The following ADCY10 variants were observed in gnomAD, a reference collection of about 807,000 sequenced individuals.
The protein encoded by ADCY10 is adenylate cyclase type 10.
A neutral mutation model predicts 183.3 loss-of-function variants in ADCY10; 156 were observed. The observed-to-expected ratio is 0.85, with a 90% confidence interval of 0.75 to 0.97. The LOEUF is 0.97. ADCY10 is among the 50% of genes least tolerant of loss of function. The pLI, the probability that ADCY10 is intolerant of heterozygous loss-of-function variation, is 0.00. For synonymous variants in ADCY10, 645 were observed against 670.0 expected (o/e 0.96, Z 0.58); for missense variants, 1,745 against 1,934.3 (o/e 0.90, Z 1.84).
chr1:167,838,834 T>A (rs1241404635), intron 21 of ADCY10, among the ~76,000 whole-genome samples: 1 of 152,202 alleles, frequency 6.6e-6, no homozygotes, highest in Non-Finnish European at 1.5e-5. Flanking sequence ...TCCAGAAACT[T>A]ATACCCACTT....
chr1:167,870,462 TAG>T, intron 13 of ADCY10, 52 bp from the exon 14 acceptor site: 1 of 1,479,504 alleles, frequency 6.8e-7, no homozygotes, highest in South Asian at 1.2e-5. Flanking sequence ...TAAAATAGTC[TAG>T]AGATATAAAA....
chr1:167,911,538 T>G (rs1009760580), intron 1 of ADCY10, among the ~76,000 whole-genome samples: 4 of 152,336 alleles, frequency 2.6e-5, no homozygotes, highest in African/African-American at 9.6e-5. Context: ...TTGCCTCTTT[T>G]AAAAGTTCTA....
rs878959280 is a variant in ADCY10, at chr1:167,848,630, C to CT, written c.2309-142dup. ...TTGGCTCACCAAATATTCTGGAAAC[C>CT]TTTTTTTTGTTTTGTTTTGTTTTGT... On this transcript the variant is annotated intron_variant, in intron 18 of 32. Transcript: ENST00000367851. 617 of 973,988 alleles carry CT rather than the reference C, an allele frequency of 6.3e-4. 3 individuals carry two copies. The Middle Eastern group carries it at 7.5e-3, about 12-fold the overall frequency. The allele number at this position is 973,988 out of a possible 1,614,324, so 60.3% of individuals were successfully genotyped here.
intron 8 of ADCY10, among the ~76,000 whole-genome samples, chr1:167,889,302 A>C (rs1558237926): frequency 6.6e-6 from 1 of 152,120 alleles, no homozygotes; most frequent in Non-Finnish European, 1.5e-5. Context: ...GAATTTTATC[A>C]ACTGCTTTTT....
chr1:167,862,311 G>T (rs1666346064), intron 14 of ADCY10, among the ~76,000 whole-genome samples: 1 of 152,158 alleles, frequency 6.6e-6, no homozygotes, highest in African/African-American at 2.4e-5. Context: ...AGTAGGGTAG[G>T]CCTCTAATCC....
intron 16 of ADCY10, among the ~76,000 whole-genome samples, chr1:167,857,766 G>T (rs1410856610): frequency 6.6e-6 from 1 of 152,202 alleles, no homozygotes; most frequent in African/African-American, 2.4e-5. Context: ...GCACAGAGAA[G>T]TTAAGTAACT....
chr1:167,830,649 C>T (rs1663652065), intron 25 of ADCY10, among the ~76,000 whole-genome samples: 1 of 152,194 alleles, frequency 6.6e-6, no homozygotes, highest in Non-Finnish European at 1.5e-5. Flanking sequence ...CTGCCTCAGC[C>T]TCCCGAAGTG....
chr1:167,842,080 A>C (rs1485391654), intron 21 of ADCY10, among the ~76,000 whole-genome samples: 1 of 152,240 alleles, frequency 6.6e-6, no homozygotes, highest in Non-Finnish European at 1.5e-5. Context: ...CATGAGGATC[A>C]AAAGAGAATT....
At chr1:167,820,814 AACTCCAGCT>A (rs963988473) in intron 30 of ADCY10, 3 of 152,190 alleles carry the variant, frequency 2.0e-5, no homozygotes, top group Non-Finnish European at 2.9e-5. Context: ...ATGTGCCTGC[AACTCCAGCT>A]ACTCAGGAAG....
chr1:167,819,640 G>A (rs528435883), intron 30 of ADCY10, among the ~76,000 whole-genome samples: 75 of 152,058 alleles, frequency 4.9e-4, no homozygotes, highest in South Asian at 4.6e-3. Flanking sequence ...TTGGCTCACC[G>A]CAACCTTCGC....
intron 31 of ADCY10, among the ~76,000 whole-genome samples, chr1:167,813,310 C>G (rs1427426442): frequency 1.3e-5 from 2 of 151,792 alleles, no homozygotes; most frequent in African/African-American, 4.8e-5. Flanking sequence ...GATTTCTCAT[C>G]TGAAAATTTA....
intron 14 of ADCY10, among the ~76,000 whole-genome samples, chr1:167,865,035 A>C (rs1666584956): frequency 6.6e-6 from 1 of 152,236 alleles, no homozygotes; most frequent in East Asian, 1.9e-4. Flanking sequence ...AGACATGTCA[A>C]AGAATTATCT....
intron 6 of ADCY10, among the ~76,000 whole-genome samples, chr1:167,898,995 G>A (rs996725092): frequency 6.6e-6 from 1 of 152,062 alleles, no homozygotes; most frequent in Non-Finnish European, 1.5e-5. Flanking sequence ...ACTGAACTTC[G>A]CCGCACTTGC....
In ADCY10 at chr1:167,883,674, T is replaced by A. The variant is rs578082002; in HGVS notation, c.829-46A>T. 4 of 1,594,340 alleles carry A rather than the reference T, an allele frequency of 2.5e-6. No homozygotes were observed. The South Asian group carries it at 4.4e-5, about 18-fold the overall frequency. Reference sequence around the variant, plus strand: ...TTCTGTAGGTGTCCTTGGCAGTGGATCCCTCCCCCAACACCGCCCCCACCT... The same window carrying A: ...TTCTGTAGGTGTCCTTGGCAGTGGAACCCTCCCCCAACACCGCCCCCACCT... On this transcript the variant is annotated intron_variant, in intron 8 of 32. Transcript: ENST00000367851.
intron 31 of ADCY10, among the ~76,000 whole-genome samples, chr1:167,817,751 T>C (rs538796076): frequency 6.6e-6 from 1 of 152,236 alleles, no homozygotes; most frequent in Non-Finnish European, 1.5e-5. Flanking sequence ...TGCTTCCTTT[T>C]AAATCGTGAT....
intron 8 of ADCY10, among the ~76,000 whole-genome samples, chr1:167,888,854 C>A (rs1270669644): frequency 2.6e-5 from 3 of 115,864 alleles, no homozygotes; most frequent in Non-Finnish European, 5.0e-5. Context: ...CCAGCCTGGG[C>A]GAAAGAGGGA....
chr1:167,895,103 AC>A lies in ADCY10; in HGVS notation c.740-1163del, dbSNP rs369143773. ...AGGCTGAGGCAGGAGAATCGCTTGAACCCGGGAGGCAGAGGTTGCAGTGAGC... is the reference window on the plus strand; with the variant it reads ...AGGCTGAGGCAGGAGAATCGCTTGAACCGGGAGGCAGAGGTTGCAGTGAGC... On this transcript the variant is annotated intron_variant, in intron 7 of 32. Coordinates refer to ENST00000367851, the MANE Select transcript of ADCY10 (RefSeq NM_018417.6). Among the ~76,000 whole-genome samples the A allele has an allele frequency of 2.5e-3, 373 of 147,860 alleles. 2 individuals are homozygous for A. The highest frequency in any genetic ancestry group is 9.1e-3 in the African/African-American group (362 of 39,814).
intron 8 of ADCY10, among the ~76,000 whole-genome samples, chr1:167,885,131 A>G (rs1051852209): frequency 6.6e-6 from 1 of 151,872 alleles, no homozygotes; most frequent in African/African-American, 2.4e-5. Flanking sequence ...CATTTTTTTT[A>G]TGGCTGAATA....
Position 167,836,841 on chromosome 1 carries a change from C to T in ADCY10, c.3078-301G>A, listed in dbSNP as rs1164281184. On this transcript the variant is annotated intron_variant, in intron 22 of 32. Transcript: ENST00000367851. ...GAGATCAAGACCATCCTGGCTAACA[C>T]GGTGAAATCCCGTCTCTACTAAAAA... Among the ~76,000 whole-genome samples the T allele has an allele frequency of 3.3e-5, 5 of 152,162 alleles. No individual in the cohort carries two copies. The East Asian group carries it at 5.8e-4, about 18-fold the overall frequency.
Sources: gnomAD v4.1 joint callset for allele counts (sites outside exome capture counted in the v4.1 genomes callset) on GRCh38, gnomAD v4.1.1 for gene constraint, MANE v1.5 for transcripts, NCBI Gene and HGNC (gene_info 2026-07-23, HGNC 2026-07-21) for gene names.